CSMD1: variants seen among roughly 807,000 people sequenced by gnomAD.
The protein encoded by CSMD1 is CUB and Sushi multiple domains 1, also known as CUB and sushi domain-containing protein 1.
A neutral mutation model predicts 417.5 loss-of-function variants in CSMD1; 213 were observed. That is an observed-to-expected ratio of 0.51 (90% CI 0.46 to 0.57). The LOEUF (loss-of-function observed/expected upper bound fraction) is 0.57, where lower values mean the gene tolerates loss of function less well. CSMD1 is among the 20% of genes least tolerant of loss of function. The pLI is 0.00. For synonymous variants in CSMD1, 2,862 were observed against 1,736.8 expected (o/e 1.65, Z -16.11); for missense variants, 6,923 against 4,529.7 (o/e 1.53, Z -15.17).
chr8:4,130,212 C>G (rs1268208990), intron 3 of CSMD1, among the ~76,000 whole-genome samples: 1 of 152,102 alleles, frequency 6.6e-6, no homozygotes, highest in Non-Finnish European at 1.5e-5. Flanking sequence ...CAGGGTCCCT[C>G]ACTTTCTTCT....
At chr8:4,052,162 T>A (rs1798466598) in intron 3 of CSMD1, among the ~76,000 whole-genome samples, 1 of 152,052 alleles carries the variant, frequency 6.6e-6, no homozygotes, top group South Asian at 2.1e-4. Flanking sequence ...TGACCTGAAG[T>A]GATCCACCCA....
intron 8 of CSMD1, among the ~76,000 whole-genome samples, chr8:3,601,279 T>C (rs1250469177): frequency 6.6e-6 from 1 of 152,216 alleles, no homozygotes; most frequent in Admixed American, 6.5e-5. Context: ...GGATTTTTGC[T>C]GCGGGGAAAC....
chr8:4,316,749 G>T (rs1314128342), intron 3 of CSMD1, among the ~76,000 whole-genome samples: 2 of 152,034 alleles, frequency 1.3e-5, no homozygotes, highest in African/African-American at 2.4e-5. Context: ...TAAGAAAGTG[G>T]TCGAACGCCC....
chr8:3,821,928 A>T (rs1374830984), intron 5 of CSMD1, among the ~76,000 whole-genome samples: 1 of 152,196 alleles, frequency 6.6e-6, no homozygotes, highest in African/African-American at 2.4e-5. Flanking sequence ...TGAAGACAAC[A>T]TGGAGAGGTT....
At chr8:3,616,568 G>A (rs2469319) in intron 8 of CSMD1, 142 bp downstream of exon 8, 8 of 603,508 alleles carry the variant, frequency 1.3e-5, no homozygotes, top group Non-Finnish European at 5.8e-6. Flanking sequence ...AAGACAAATT[G>A]TGATTACACA....
intron 5 of CSMD1, among the ~76,000 whole-genome samples, chr8:3,952,644 TGG>T (rs1407090468): frequency 6.6e-6 from 1 of 152,168 alleles, no homozygotes; most frequent in Non-Finnish European, 1.5e-5. Flanking sequence ...GCTGTTTTCC[TGG>T]GGTGATTACA....
At chr8:3,616,032 G>A (rs1459634983) in intron 8 of CSMD1, among the ~76,000 whole-genome samples, 2 of 152,092 alleles carry the variant, frequency 1.3e-5, no homozygotes, top group East Asian at 1.9e-4. Context: ...AAACTTTACT[G>A]ACTGATACTA....
intron 3 of CSMD1, among the ~76,000 whole-genome samples, chr8:4,197,789 G>A (rs545350436): frequency 5.3e-5 from 8 of 152,202 alleles, no homozygotes; most frequent in African/African-American, 1.7e-4. Context: ...TGATATGGGA[G>A]GATTGCTTGA....
rs575260184 is a variant in CSMD1, at chr8:4,090,618, G to C, written c.416-58519C>G. 2.6e-5 allele frequency among the ~76,000 whole-genome samples: 4 copies of C among 152,278 alleles called. No individual in the cohort carries two copies. The East Asian group carries it at 5.8e-4, about 22-fold the overall frequency. ...TTCAAGTGTGATACACGAATTCTCA[G>C]AATTGTAAAAGAACGTCCCTGAACT... On this transcript the variant is annotated intron_variant, in intron 3 of 69. Transcript: ENST00000635120.
At chr8:4,365,169 G>C (rs1472666204) in intron 3 of CSMD1, among the ~76,000 whole-genome samples, 1 of 152,030 alleles carries the variant, frequency 6.6e-6, no homozygotes, top group Non-Finnish European at 1.5e-5. Context: ...TTTTGAATTT[G>C]GTAGTTTTGC....
At chr8:4,961,390 T>C (rs774105914) in intron 1 of CSMD1, among the ~76,000 whole-genome samples, 1 of 152,150 alleles carries the variant, frequency 6.6e-6, no homozygotes, top group Non-Finnish European at 1.5e-5. Context: ...AGTAGAATGT[T>C]TGTCTCAACT....
intron 23 of CSMD1, among the ~76,000 whole-genome samples, chr8:3,323,590 A>T (rs563680469): frequency 9.9e-5 from 15 of 152,252 alleles, no homozygotes; most frequent in East Asian, 3.9e-4. Context: ...TTGATTTTTT[A>T]AAAAAATTTT....
At chr8:4,993,430 C>T (rs1021977659) in intron 1 of CSMD1, among the ~76,000 whole-genome samples, 28 of 102,810 alleles carry the variant, frequency 2.7e-4, no homozygotes, top group African/African-American at 7.6e-4. Context: ...CAAAAGGGAG[C>T]TTATGTTCTT....
At chr8:4,337,503 G>C (rs1023506449) in intron 3 of CSMD1, among the ~76,000 whole-genome samples, 1 of 151,900 alleles carries the variant, frequency 6.6e-6, no homozygotes, top group African/African-American at 2.4e-5. Context: ...TATATTCTAA[G>C]GATAATTAAT....
At chr8:3,360,407 C>T (rs1261817872) in intron 20 of CSMD1, among the ~76,000 whole-genome samples, 1 of 152,228 alleles carries the variant, frequency 6.6e-6, no homozygotes, top group Non-Finnish European at 1.5e-5. Flanking sequence ...TCACCAGCCT[C>T]TTGGTCCATT....
chr8:4,175,112 T>A (rs936304168), intron 3 of CSMD1, among the ~76,000 whole-genome samples: 1 of 152,046 alleles, frequency 6.6e-6, no homozygotes, highest in African/African-American at 2.4e-5. Context: ...CTGCCAAGAA[T>A]AATAATATCT....
intron 49 of CSMD1, among the ~76,000 whole-genome samples, chr8:3,063,385 T>C (rs1812717256): frequency 6.6e-6 from 1 of 152,212 alleles, no homozygotes; most frequent in South Asian, 2.1e-4. Context: ...TTGAAACCCT[T>C]GTGTACTGTC....
At chr8:4,818,171 A>T (rs1030624080) in intron 1 of CSMD1, among the ~76,000 whole-genome samples, 1 of 152,188 alleles carries the variant, frequency 6.6e-6, no homozygotes, top group Non-Finnish European at 1.5e-5. Flanking sequence ...AGATTTATAT[A>T]TTCTCAATAT....
At chr8:3,858,787 A>T (rs527493867) in intron 5 of CSMD1, among the ~76,000 whole-genome samples, 35 of 152,290 alleles carry the variant, frequency 2.3e-4, no homozygotes, top group Non-Finnish European at 4.9e-4. Flanking sequence ...ATTTAAAAGC[A>T]CTGAATCATT....
Sources: gnomAD v4.1 joint callset for allele counts (sites outside exome capture counted in the v4.1 genomes callset) on GRCh38, gnomAD v4.1.1 for gene constraint, MANE v1.5 for transcripts, NCBI Gene and HGNC (gene_info 2026-07-23, HGNC 2026-07-21) for gene names.